LRRC28: variants seen among roughly 807,000 people sequenced by gnomAD.
LRRC28 encodes leucine-rich repeat-containing protein 28.
LRRC28 carries 39 observed loss-of-function variants against 45.7 expected under a neutral mutation model. The observed-to-expected ratio is 0.85, with a 90% confidence interval of 0.66 to 1.12. The LOEUF is 1.12. Among genes scored for constraint, LRRC28 ranks in the 50% most tolerant of loss-of-function variants. The probability of loss-of-function intolerance (pLI) is 0.00; values close to 1 mark genes in which losing one functional copy is unlikely to be tolerated. For synonymous variants in LRRC28, 206 were observed against 178.8 expected, an observed-to-expected ratio of 1.15 and a Z score of -1.22; for missense variants, 435 against 438.5, an observed-to-expected ratio of 0.99 and a Z score of 0.07.
intron 5 of LRRC28, among the ~76,000 whole-genome samples, chr15:99,325,119 G>T (rs1955929050): frequency 6.6e-6 from 1 of 152,040 alleles, no homozygotes; most frequent in Admixed American, 6.6e-5. Context: ...ACGGTATTTT[G>T]CAGTTTGTAG....
At chr15:99,377,006 CGT>C (rs1567710500) in intron 9 of LRRC28, among the ~76,000 whole-genome samples, 1 of 152,130 alleles carries the variant, frequency 6.6e-6, no homozygotes, top group African/African-American at 2.4e-5. Flanking sequence ...AATAAACATA[CGT>C]GTGCATTTGT....
chr15:99,381,650 C>T (rs1957828088), intron 9 of LRRC28, among the ~76,000 whole-genome samples: 1 of 152,154 alleles, frequency 6.6e-6, no homozygotes. Flanking sequence ...GTTTTTTCCC[C>T]ATCTTTGTGG....
chr15:99,347,359 G>C (rs560500272), intron 6 of LRRC28, among the ~76,000 whole-genome samples: 2 of 152,018 alleles, frequency 1.3e-5, no homozygotes, highest in Non-Finnish European at 2.9e-5. Context: ...ACAGGTGCCC[G>C]CACCATGCCT....
intron 2 of LRRC28, chr15:99,259,231 C>T: frequency 9.5e-7 from 1 of 1,049,150 alleles, no homozygotes; most frequent in Non-Finnish European, 1.5e-6. Context: ...ACAAAATCTG[C>T]CTCATGGCTG....
At chr15:99,279,493 G>C (rs952180003) in intron 3 of LRRC28, among the ~76,000 whole-genome samples, 2 of 152,198 alleles carry the variant, frequency 1.3e-5, no homozygotes, top group Non-Finnish European at 2.9e-5. Flanking sequence ...CCTTGCAACT[G>C]GGTCTTCCAG....
intron 9 of LRRC28, among the ~76,000 whole-genome samples, chr15:99,365,351 C>T (rs1237180137): frequency 6.6e-6 from 1 of 152,210 alleles, no homozygotes; most frequent in African/African-American, 2.4e-5. Context: ...GCCAGAGTGC[C>T]TCTGTTTATA....
rs970187505 is a variant in LRRC28, at chr15:99,387,920, G to T, written c.*1818G>T. Reference sequence around the variant, plus strand: ...TCTTTTTACAGTCACAACACCTGCTGCCCGGAAAGCACACCGTCCACGTAG... The same window carrying T: ...TCTTTTTACAGTCACAACACCTGCTTCCCGGAAAGCACACCGTCCACGTAG... On this transcript the variant is annotated 3_prime_UTR_variant, in exon 10 of 10. Transcript: ENST00000301981. 2 of 152,154 alleles carry T rather than the reference G, an allele frequency of 1.3e-5. No homozygotes were observed. Among genetic ancestry groups the T allele is most frequent in the African/African-American group, 2.4e-5 (1 of 41,416 alleles). The allele number at this position is 152,154 out of a possible 1,614,324, so 9.4% of individuals were successfully genotyped here. A position where few individuals can be genotyped will look rare whatever the true frequency, so the allele number is the denominator to read the frequency against.
intron 6 of LRRC28, among the ~76,000 whole-genome samples, chr15:99,346,081 A>G (rs1956672355): frequency 6.6e-6 from 1 of 152,218 alleles, no homozygotes; most frequent in South Asian, 2.1e-4. Context: ...TACTGGGCTC[A>G]AGTGATCCTC....
At chr15:99,307,949 A>T (rs150001878) in intron 5 of LRRC28, among the ~76,000 whole-genome samples, 1 of 152,336 alleles carries the variant, frequency 6.6e-6, no homozygotes, top group Non-Finnish European at 1.5e-5. Flanking sequence ...AGAATGACTC[A>T]GATAACTGTA....
intron 5 of LRRC28, among the ~76,000 whole-genome samples, chr15:99,330,155 CA>C (rs1321973172): frequency 1.3e-5 from 2 of 152,114 alleles, no homozygotes; most frequent in East Asian, 3.9e-4. Context: ...GATTTTCATT[CA>C]AATTTTACAC....
chr15:99,354,724 A>G (rs1956995793), intron 7 of LRRC28, among the ~76,000 whole-genome samples: 1 of 152,184 alleles, frequency 6.6e-6, no homozygotes. Flanking sequence ...ATAATTTAAC[A>G]AACTTGGTAC....
chr15:99,379,636 G>T (rs963458568), intron 9 of LRRC28, among the ~76,000 whole-genome samples: 1 of 152,130 alleles, frequency 6.6e-6, no homozygotes, highest in Non-Finnish European at 1.5e-5. Flanking sequence ...TGATGTTAGG[G>T]TGTCAATTTT....
intron 2 of LRRC28, among the ~76,000 whole-genome samples, chr15:99,256,790 C>T (rs1405294297): frequency 6.6e-6 from 1 of 152,168 alleles, no homozygotes; most frequent in Non-Finnish European, 1.5e-5. Flanking sequence ...ATAAGATAAA[C>T]TAAAAGTTTT....
At chr15:99,275,744 A>C (rs961232698) in intron 2 of LRRC28, among the ~76,000 whole-genome samples, 1 of 152,100 alleles carries the variant, frequency 6.6e-6, no homozygotes, top group African/African-American at 2.4e-5. Flanking sequence ...CTCAGCTTCC[A>C]GTTACATCAC....
At chr15:99,340,178 C>T (rs1350441702) in intron 6 of LRRC28, among the ~76,000 whole-genome samples, 1 of 152,172 alleles carries the variant, frequency 6.6e-6, no homozygotes, top group African/African-American at 2.4e-5. Flanking sequence ...GGAGAACACT[C>T]CAGTTTTTTG....
At chr15:99,385,929 C>G (rs1381311353) in intron 9 of LRRC28, 101 bp from the exon 10 acceptor site, 1 of 1,012,986 alleles carries the variant, frequency 9.9e-7, no homozygotes, top group East Asian at 2.4e-5. Context: ...TTGACCATGG[C>G]TAATCCTCCA....
At chr15:99,281,827 G>T (rs1313662650) in intron 3 of LRRC28, among the ~76,000 whole-genome samples, 2 of 152,150 alleles carry the variant, frequency 1.3e-5, no homozygotes, top group Admixed American at 1.3e-4. Flanking sequence ...GATCTCTCTT[G>T]AATACCTCAA....
intron 6 of LRRC28, among the ~76,000 whole-genome samples, chr15:99,342,658 C>A (rs560272536): frequency 6.6e-6 from 1 of 152,260 alleles, no homozygotes; most frequent in Admixed American, 6.5e-5. Context: ...AGTGCCCAGC[C>A]CATTCCTTGT....
chr15:99,349,476 A>C lies in LRRC28; in HGVS notation c.593-2893A>C, dbSNP rs560030593. On this transcript the variant is annotated intron_variant, in intron 6 of 9. Coordinates refer to ENST00000301981, the MANE Select transcript of LRRC28 (RefSeq NM_144598.5). Reference sequence around the variant, plus strand: ...AAGGAAAAGAAAAATGAAACCATGTAAACACTAGAAGAAAACATCGGTGAA... The same window carrying C: ...AAGGAAAAGAAAAATGAAACCATGTCAACACTAGAAGAAAACATCGGTGAA... Among the ~76,000 whole-genome samples the C allele has an allele frequency of 2.2e-4, 33 of 152,364 alleles. No individual in the cohort carries two copies. The South Asian group carries it at 6.4e-3, about 30-fold the overall frequency.
Sources: allele counts gnomAD v4.1 joint callset (sites outside exome capture counted in the v4.1 genomes callset), GRCh38; gene constraint gnomAD v4.1.1; transcripts MANE v1.5; gene names NCBI Gene and HGNC (gene_info 2026-07-23, HGNC 2026-07-21).